Variants in SLC16A9 observed in about 807,000 individuals in gnomAD.
The protein encoded by SLC16A9 is solute carrier family 16 member 9, also known as monocarboxylate transporter 9.
SLC16A9 carries 26 observed loss-of-function variants against 44.3 expected under a neutral mutation model. That is an observed-to-expected ratio of 0.59 (90% CI 0.43 to 0.81). The LOEUF (loss-of-function observed/expected upper bound fraction) is 0.81, where lower values mean the gene tolerates loss of function less well. SLC16A9 is among the 40% of genes least tolerant of loss of function. SLC16A9 has a pLI of 0.00. For synonymous variants in SLC16A9, 230 were observed against 225.1 expected, an observed-to-expected ratio of 1.02 and a Z score of -0.19; for missense variants, 559 against 595.8, an observed-to-expected ratio of 0.94 and a Z score of 0.64.
At chr10:59,670,800 T>C (rs1839732044) in intron 3 of SLC16A9, among the ~76,000 whole-genome samples, 1 of 152,278 alleles carries the variant, frequency 6.6e-6, no homozygotes, top group South Asian at 2.1e-4. Flanking sequence ...AGTGCCAGTG[T>C]TCATTATTAT....
chr10:59,692,079 T>C (rs1840265039), intron 1 of SLC16A9, among the ~76,000 whole-genome samples: 1 of 152,204 alleles, frequency 6.6e-6, no homozygotes, highest in African/African-American at 2.4e-5. Flanking sequence ...TCACTTGAAA[T>C]ATAAAAGGAG....
chr10:59,685,503 A>G (rs551381921), intron 1 of SLC16A9, among the ~76,000 whole-genome samples: 49 of 152,324 alleles, frequency 3.2e-4, no homozygotes, highest in African/African-American at 1.1e-3. Context: ...ATAGCATATT[A>G]TATACATTGG....
At chr10:59,690,955 C>G (rs1031418996) in intron 1 of SLC16A9, among the ~76,000 whole-genome samples, 3 of 152,022 alleles carry the variant, frequency 2.0e-5, no homozygotes, top group Non-Finnish European at 4.4e-5. Context: ...CATGGTGGCA[C>G]GCGCCTGTAA....
intron 1 of SLC16A9, among the ~76,000 whole-genome samples, chr10:59,707,239 G>A (rs1840659688): frequency 1.4e-5 from 2 of 141,928 alleles, no homozygotes; most frequent in African/African-American, 2.6e-5. Flanking sequence ...AAAGAGGGAA[G>A]GAAAAGAGGG....
chr10:59,702,103 C>T (rs1018054632), intron 1 of SLC16A9, among the ~76,000 whole-genome samples: 2 of 152,152 alleles, frequency 1.3e-5, no homozygotes, highest in Non-Finnish European at 2.9e-5. Flanking sequence ...AGCCTACTTA[C>T]CTAAAATCTC....
At chr10:59,699,668 A>C (rs1840477848) in intron 1 of SLC16A9, among the ~76,000 whole-genome samples, 1 of 151,916 alleles carries the variant, frequency 6.6e-6, no homozygotes, top group Admixed American at 6.6e-5. Flanking sequence ...GGCACATAGT[A>C]ATCTCAATAT....
chr10:59,653,028 T>A, intron 5 of SLC16A9, 78 bp from the exon 6 acceptor site: 1 of 1,111,320 alleles, frequency 9.0e-7, no homozygotes, highest in Non-Finnish European at 1.3e-6. Context: ...TTATATCAGT[T>A]TTATATATAG....
rs991063192 is a variant in SLC16A9 at position 59,652,806 on chromosome 10, G to A, written c.1496C>T (p.Thr499Ile). The part of the protein sequence containing the change: ...CNKQLPKPAP[T>I]TFLYKVASNV ...AGAGGCAACTTTGTACAAGAAAGTT[G>A]TTGGAGCTGGCTTGGGGAGTTGCTT... Residue 499 changes from threonine (T) to isoleucine (I), a missense_variant, in exon 6 of 6, where the codon ACA becomes ATA. Thr to Ile is a moderately conservative substitution (Grantham distance 89). Coordinates refer to ENST00000395348, the MANE Select transcript of SLC16A9 (RefSeq NM_194298.3). 1 of 1,612,132 alleles carries A rather than the reference G, an allele frequency of 6.2e-7. No individual in the cohort carries two copies. The highest frequency in any genetic ancestry group is 8.5e-7 in the Non-Finnish European group (1 of 1,179,516).
Position 59,668,389 on chromosome 10 carries a change from C to T in SLC16A9, c.341-4067G>A, listed in dbSNP as rs1005564583. 2.7e-4 allele frequency among the ~76,000 whole-genome samples: 41 copies of T among 152,142 alleles called. 1 individual carries two copies. The highest frequency in any genetic ancestry group is 1.2e-3 in the Admixed American group (19 of 15,266). ...ACACCATCCCCACTCCCCTTCCAAC[C>T]GTATCCACTTGAACCACTTCCTGCC... On this transcript the variant is annotated intron_variant, in intron 3 of 5. Transcript: ENST00000395348.
At chr10:59,669,645 G>T (rs1839699142) in intron 3 of SLC16A9, among the ~76,000 whole-genome samples, 1 of 152,060 alleles carries the variant, frequency 6.6e-6, no homozygotes, top group Admixed American at 6.6e-5. Context: ...AGACCAGCCT[G>T]GCCAACATGG....
intron 4 of SLC16A9, among the ~76,000 whole-genome samples, chr10:59,658,007 T>G (rs779641110): frequency 1.3e-5 from 2 of 152,154 alleles, no homozygotes; most frequent in Non-Finnish European, 2.9e-5. Flanking sequence ...ACAGGCACCT[T>G]AAGACTGATA....
chr10:59,688,746 G>A (rs918488442), intron 1 of SLC16A9, among the ~76,000 whole-genome samples: 1 of 149,148 alleles, frequency 6.7e-6, no homozygotes, highest in African/African-American at 2.5e-5. Flanking sequence ...AAGAGGTTGT[G>A]TGAAGACAAA....
intron 1 of SLC16A9, among the ~76,000 whole-genome samples, chr10:59,706,056 G>A (rs541996381): frequency 6.6e-6 from 1 of 152,034 alleles, no homozygotes; most frequent in African/African-American, 2.4e-5. Flanking sequence ...TTCCATCAAG[G>A]AAATCCTCTT....
rs567104177 is a variant in SLC16A9, at chr10:59,652,731, T to C, written c.*41A>G. 3.2e-6 allele frequency: 5 copies of C among 1,539,232 alleles called. 1 individual carries two copies. The East Asian group carries it at 1.2e-4, about 35-fold the overall frequency. The stretch of plus-strand genomic sequence containing the variant: ...AGAATCTGTTAAAATATCGTTGCTA[T>C]ATGGTATAAAATAGCAAAAATAGTG... On this transcript the variant is annotated 3_prime_UTR_variant, in exon 6 of 6. Transcript: ENST00000395348.
chr10:59,679,222 C>T (rs190005843), intron 2 of SLC16A9, among the ~76,000 whole-genome samples: 2 of 152,146 alleles, frequency 1.3e-5, no homozygotes, highest in African/African-American at 2.4e-5. Flanking sequence ...ATTTGGAGAA[C>T]AATATCTAGC....
chr10:59,696,623 G>C (rs1307893816), intron 1 of SLC16A9, among the ~76,000 whole-genome samples: 1 of 150,164 alleles, frequency 6.7e-6, no homozygotes, highest in South Asian at 2.1e-4. Flanking sequence ...AGTGAGGAGC[G>C]TCTCTGCCCG....
chr10:59,682,880 A>AT (rs201455089), intron 2 of SLC16A9, among the ~76,000 whole-genome samples: 24 of 112,894 alleles, frequency 2.1e-4, no homozygotes, highest in South Asian at 5.0e-4. Context: ...TGGCTATATT[A>AT]TTTTTTTTTG....
At chr10:59,689,987 A>G (rs1231654102) in intron 1 of SLC16A9, among the ~76,000 whole-genome samples, 1 of 152,162 alleles carries the variant, frequency 6.6e-6, no homozygotes, top group Non-Finnish European at 1.5e-5. Context: ...CACTAAGCCC[A>G]TTTATCCTAA....
intron 2 of SLC16A9, 127 bp downstream of exon 2, chr10:59,683,969 A>G: frequency 1.5e-6 from 1 of 669,008 alleles, no homozygotes; most frequent in Non-Finnish European, 2.3e-6. Context: ...AATCATTGCA[A>G]TGAAGGCAGG....
Sources: allele counts gnomAD v4.1 joint callset (sites outside exome capture counted in the v4.1 genomes callset), GRCh38; gene constraint gnomAD v4.1.1; transcripts MANE v1.5; gene names NCBI Gene and HGNC (gene_info 2026-07-23, HGNC 2026-07-21).